The following XKR4 variants were observed in gnomAD, a reference collection of about 807,000 sequenced individuals.
XKR4 encodes XK-related protein 4.
Under a neutral mutation model 53.9 loss-of-function variants are expected in XKR4, and 12 were observed. The observed-to-expected ratio is 0.22, with a 90% CI of 0.14 to 0.36. The LOEUF (loss-of-function observed/expected upper bound fraction) is 0.36, where lower values mean the gene tolerates loss of function less well. XKR4 is among the 10% of genes least tolerant of loss of function. The pLI, the probability that XKR4 is intolerant of heterozygous loss-of-function variation, is 1.00. For synonymous variants in XKR4, 354 were observed against 362.4 expected, an observed-to-expected ratio of 0.98 and a Z score of 0.26; for missense variants, 799 against 859.5, an observed-to-expected ratio of 0.93 and a Z score of 0.88.
rs183472987 is a variant in XKR4 at position 55,296,692 on chromosome 8, G to A, written c.807-60986G>A. Among the ~76,000 whole-genome samples the A allele has an allele frequency of 5.9e-5, 9 of 152,206 alleles. No homozygotes were observed. In the East Asian group the frequency reaches 1.5e-3, roughly 26 times the overall value. On this transcript the variant is annotated intron_variant, in intron 1 of 2. Transcript: ENST00000327381. ...CTCCTGTTGAGATTAGAAGAAGGAA[G>A]TAACAGTTTTAGATGGAAAGAAACT...
chr8:55,433,998 C>A (rs533910966), intron 2 of XKR4, among the ~76,000 whole-genome samples: 45 of 152,314 alleles, frequency 3.0e-4, no homozygotes, highest in African/African-American at 1.0e-3. Context: ...CACACCACTG[C>A]ACTCCAGCCT....
chr8:55,248,315 T>C (rs112845889), intron 1 of XKR4, among the ~76,000 whole-genome samples: 2,283 of 152,330 alleles, frequency 0.015, 62 homozygotes, highest in African/African-American at 0.051. Context: ...AAATAGCTGA[T>C]TCATCCCCAC....
At chr8:55,493,862 G>A (rs2129402517) in intron 2 of XKR4, among the ~76,000 whole-genome samples, 1 of 152,296 alleles carries the variant, frequency 6.6e-6, no homozygotes, top group East Asian at 1.9e-4. Context: ...GCTCACTGTG[G>A]TATTAATTGC....
intron 2 of XKR4, among the ~76,000 whole-genome samples, chr8:55,459,456 G>C (rs1402701750): frequency 1.3e-5 from 2 of 151,962 alleles, no homozygotes; most frequent in Non-Finnish European, 2.9e-5. Context: ...TTAAAAATCT[G>C]CTTTTCAAAT....
chr8:55,230,422 G>A (rs1182653895), intron 1 of XKR4, among the ~76,000 whole-genome samples: 2 of 149,986 alleles, frequency 1.3e-5, no homozygotes, highest in Non-Finnish European at 3.0e-5. Context: ...GAGTGCAGTG[G>A]TGCAAGCTCA....
intron 1 of XKR4, among the ~76,000 whole-genome samples, chr8:55,191,940 A>G (rs922357682): frequency 1.8e-4 from 28 of 151,384 alleles, no homozygotes; most frequent in African/African-American, 6.3e-4. Context: ...TCACTTTCTT[A>G]TCGTTTGTGA....
chr8:55,304,883 T>A (rs1291063152), intron 1 of XKR4, among the ~76,000 whole-genome samples: 1 of 152,190 alleles, frequency 6.6e-6, no homozygotes, highest in Admixed American at 6.6e-5. Context: ...TTTGAGCCTA[T>A]GTGCAGACAC....
intron 1 of XKR4, among the ~76,000 whole-genome samples, chr8:55,114,695 A>G (rs1563459758): frequency 6.6e-6 from 1 of 152,156 alleles, no homozygotes; most frequent in Non-Finnish European, 1.5e-5. Context: ...TTCTGTTCCA[A>G]CTGAGGGGAG....
intron 2 of XKR4, chr8:55,453,014 A>G: frequency 1.5e-6 from 1 of 663,542 alleles, no homozygotes; most frequent in Non-Finnish European, 2.9e-6. Flanking sequence ...CTTCTAGGGC[A>G]GAGTGCTCTC....
In XKR4 at chr8:55,218,771, A is replaced by G. The variant is rs553458004; in HGVS notation, c.806+115477A>G. On this transcript the variant is annotated intron_variant, in intron 1 of 2. Transcript: ENST00000327381. ...AAGTATAAATTTGAACAAACAGTAG[A>G]TAATGATTCTACAGTTTTGGAGATG... Among the ~76,000 whole-genome samples the G allele has an allele frequency of 2.6e-5, 4 of 152,336 alleles. No homozygotes were observed. The South Asian group carries it at 8.3e-4, about 32-fold the overall frequency.
chr8:55,364,448 A>ATG, intron 2 of XKR4, among the ~76,000 whole-genome samples: 1 of 152,248 alleles, frequency 6.6e-6, no homozygotes. Flanking sequence ...GTTCTCCCCG[A>ATG]TGCCCCTCAG....
At chr8:55,450,863 C>A (rs906603128) in intron 2 of XKR4, 3 of 474,260 alleles carry the variant, frequency 6.3e-6, no homozygotes, top group African/African-American at 2.0e-5. Context: ...GAACTTGAGT[C>A]CAGGAGCTCC....
chr8:55,229,930 C>T (rs1179874557), intron 1 of XKR4, among the ~76,000 whole-genome samples: 1 of 151,510 alleles, frequency 6.6e-6, no homozygotes, highest in African/African-American at 2.4e-5. Flanking sequence ...TAACTCATGC[C>T]CCTTTTGAGC....
chr8:55,211,994 G>A (rs1817737925), intron 1 of XKR4, among the ~76,000 whole-genome samples: 1 of 152,140 alleles, frequency 6.6e-6, no homozygotes, highest in Non-Finnish European at 1.5e-5. Flanking sequence ...ATGAGGTGGT[G>A]GAGGCCCCAA....
At chr8:55,230,137 C>A (rs1818011662) in intron 1 of XKR4, among the ~76,000 whole-genome samples, 1 of 152,180 alleles carries the variant, frequency 6.6e-6, no homozygotes, top group Non-Finnish European at 1.5e-5. Context: ...TCTCAGATTA[C>A]TTCTCTGTTC....
chr8:55,502,832 A>C (rs1806464872), intron 2 of XKR4, among the ~76,000 whole-genome samples: 1 of 152,104 alleles, frequency 6.6e-6, no homozygotes, highest in Admixed American at 6.5e-5. Context: ...TTTTCTTCTA[A>C]GAATTTTCTA....
chr8:55,469,136 T>C (rs1245812876), intron 2 of XKR4, among the ~76,000 whole-genome samples: 1 of 152,088 alleles, frequency 6.6e-6, no homozygotes, highest in East Asian at 1.9e-4. Flanking sequence ...CCTGCCTTTT[T>C]CCAATTCCTC....
At position 55,149,494 on chromosome 8, in the gene XKR4, T is replaced by TG. The variant is rs900872485; in HGVS notation, c.806+46204dup. On this transcript the variant is annotated intron_variant, in intron 1 of 2. Transcript: ENST00000327381. ...AAAGAAGTGGGCCTGGATGGGGTGG[T>TG]GGGGAGCCTTTGGCATCGAGAAAAA... Among the ~76,000 whole-genome samples, 16 of 152,184 alleles carry TG rather than the reference T, an allele frequency of 1.1e-4. 1 individual carries two copies. The highest frequency in any genetic ancestry group is 8.5e-4 in the Admixed American group (13 of 15,262).
intron 2 of XKR4, chr8:55,451,799 G>A (rs1025681985): frequency 5.0e-6 from 5 of 1,008,706 alleles, no homozygotes; most frequent in Non-Finnish European, 7.7e-6. Context: ...TGATAGTCGC[G>A]GCAGCAAGCC....
Sources: gnomAD v4.1 joint callset for allele counts (sites outside exome capture counted in the v4.1 genomes callset) on GRCh38, gnomAD v4.1.1 for gene constraint, MANE v1.5 for transcripts, NCBI Gene and HGNC (gene_info 2026-07-23, HGNC 2026-07-21) for gene names.